DYSF: variants seen among roughly 807,000 people sequenced by gnomAD.
The protein encoded by DYSF is dystrophy-associated fer-1-like 1.
A neutral mutation model predicts 274.9 loss-of-function variants in DYSF; 212 were observed. The ratio of observed to expected loss-of-function variants is 0.77; its 90% CI spans 0.69 to 0.86. DYSF has a LOEUF of 0.86. Ranked by LOEUF, DYSF falls within the 40% of genes least tolerant of loss-of-function variation. The probability of loss-of-function intolerance (pLI) is 0.00; values close to 1 mark genes in which losing one functional copy is unlikely to be tolerated. For missense variants in DYSF, 2,666 were observed against 2,783.2 expected (o/e 0.96, Z 0.95); for synonymous variants, 1,091 against 1,078.7 (o/e 1.01, Z -0.22).
chr2:71,660,907 A>C (rs915278596), intron 45 of DYSF, among the ~76,000 whole-genome samples: 4 of 152,136 alleles, frequency 2.6e-5, no homozygotes, highest in African/African-American at 9.7e-5. Context: ...GCTTGAGCTC[A>C]GGAGTTTGAG....
intron 23 of DYSF, among the ~76,000 whole-genome samples, chr2:71,563,392 C>T: frequency 6.6e-6 from 1 of 152,172 alleles, no homozygotes; most frequent in East Asian, 1.9e-4. Flanking sequence ...CACTTGGGCT[C>T]ACTTTGCTCA....
intron 4 of DYSF, among the ~76,000 whole-genome samples, chr2:71,505,331 G>T (rs115781461): frequency 6.6e-6 from 1 of 152,342 alleles, no homozygotes; most frequent in Admixed American, 6.5e-5. Flanking sequence ...CTCGCTGGCC[G>T]CTCACTGAGA....
chr2:71,663,047 A>ATGTGT (rs1306479068), intron 45 of DYSF, among the ~76,000 whole-genome samples: 11 of 142,840 alleles, frequency 7.7e-5, no homozygotes, highest in South Asian at 2.2e-4. Flanking sequence ...GTGTGCGCGC[A>ATGTGT]CGCGCGTGGT....
chr2:71,527,948 T>C (rs191109725), intron 13 of DYSF, among the ~76,000 whole-genome samples: 42 of 152,306 alleles, frequency 2.8e-4, no homozygotes, highest in African/African-American at 8.9e-4. Context: ...GCACCAATAA[T>C]GGGATATTGT....
chr2:71,658,360 T>C (rs1384700979), intron 43 of DYSF, among the ~76,000 whole-genome samples: 1 of 152,228 alleles, frequency 6.6e-6, no homozygotes, highest in Non-Finnish European at 1.5e-5. Flanking sequence ...TTTTCCACGT[T>C]TTCCCATCTT....
intron 1 of DYSF, among the ~76,000 whole-genome samples, chr2:71,479,252 T>G (rs903428958): frequency 6.6e-6 from 1 of 151,772 alleles, no homozygotes; most frequent in African/African-American, 2.4e-5. Context: ...TTACTGGAAG[T>G]GCCCAGGGCA....
chr2:71,662,478 GTGTA>G (rs575532285), intron 45 of DYSF, among the ~76,000 whole-genome samples: 135 of 150,474 alleles, frequency 9.0e-4, no homozygotes, highest in African/African-American at 2.7e-3. Context: ...GTGCGTGCGT[GTGTA>G]TGTATTTGTG....
intron 3 of DYSF, among the ~76,000 whole-genome samples, chr2:71,501,429 T>C (rs1294217247): frequency 6.6e-6 from 1 of 152,220 alleles, no homozygotes; most frequent in Non-Finnish European, 1.5e-5. Flanking sequence ...TAAATCGACA[T>C]AAACGCTACC....
Position 71,570,749 on chromosome 2 carries a change from A to C in DYSF, c.3228+8A>C, listed in dbSNP as rs749135257. ...ATGGAAGCACTGAAAAGGGTGAGCC[A>C]GCAGGTGGTGGGTGGGAGTGAGGCC... On this transcript the variant is annotated splice_region_variant and intron_variant, in intron 29 of 55. Transcript: ENST00000410020. 4.3e-6 allele frequency: 7 copies of C among 1,613,456 alleles called. No homozygotes were observed. The Admixed American group carries it at 1.0e-4, about 23-fold the overall frequency.
intron 19 of DYSF, among the ~76,000 whole-genome samples, chr2:71,551,952 C>A (rs2090981075): frequency 6.6e-6 from 1 of 152,180 alleles, no homozygotes; most frequent in South Asian, 2.1e-4. Context: ...TGAAAATATT[C>A]AAAAAGTCTA....
intron 3 of DYSF, among the ~76,000 whole-genome samples, chr2:71,489,534 G>C (rs954538846): frequency 3.3e-5 from 5 of 152,250 alleles, no homozygotes; most frequent in Non-Finnish European, 7.3e-5. Flanking sequence ...CGGAGGCAAG[G>C]GTGGCCTGAT....
chr2:71,453,955 C>A (rs199569685), exon 1 of DYSF: 1 of 1,604,742 alleles, frequency 6.2e-7, no homozygotes, highest in Non-Finnish European at 8.5e-7. Flanking sequence ...CCTTTCCGAG[C>A]CCTCTTTGCG....
At position 71,513,731 on chromosome 2, in the gene DYSF, A is replaced by G; in HGVS notation, c.569A>G (p.Glu190Gly). ...CTCCTCTTAGACACAGGAGGAGAGG[A>G]AGACACAGAGGACCAGGGACTCACT... ...WPAPTDTGGE[E>G]DTEDQGLTGD... is the part of the protein sequence containing the mutation. Residue 190 changes from glutamate (E) to glycine (G), a missense_variant, in exon 7 of 56, where the codon GAA becomes GGA. Transcript: ENST00000410020. 6.2e-7 allele frequency: 1 copy of G among 1,613,984 alleles called. No individual in the cohort carries two copies. The highest frequency in any genetic ancestry group is 8.5e-7 in the Non-Finnish European group (1 of 1,179,960).
intron 3 of DYSF, among the ~76,000 whole-genome samples, chr2:71,484,592 A>G (rs1008928899): frequency 1.3e-5 from 2 of 152,180 alleles, no homozygotes; most frequent in Admixed American, 6.5e-5. Context: ...CTATTGTGCT[A>G]GGGAATACTA....
At chr2:71,627,062 A>AT (rs1017623093) in intron 41 of DYSF, among the ~76,000 whole-genome samples, 5 of 150,654 alleles carry the variant, frequency 3.3e-5, no homozygotes, top group Non-Finnish European at 7.4e-5. Flanking sequence ...AATTTATCAG[A>AT]TTTTTTTCAG....
chr2:71,512,612 C>A (rs1292783458), intron 5 of DYSF, among the ~76,000 whole-genome samples: 1 of 152,198 alleles, frequency 6.6e-6, no homozygotes, highest in Non-Finnish European at 1.5e-5. Context: ...GGTGTGGGAG[C>A]CTCCATGTGG....
chr2:71,543,309 C>T (rs9751538), intron 17 of DYSF, among the ~76,000 whole-genome samples: 6,697 of 150,704 alleles, frequency 0.044, 183 homozygotes, highest in Middle Eastern at 0.069. Flanking sequence ...GATGGGCAGC[C>T]GGGCAGAGAC....
chr2:71,484,245 G>T (rs1041891190), intron 3 of DYSF, among the ~76,000 whole-genome samples: 1 of 151,810 alleles, frequency 6.6e-6, no homozygotes, highest in East Asian at 1.9e-4. Flanking sequence ...TAGAGACAGG[G>T]TTCCTCCATG....
chr2:71,665,024 A>G, intron 46 of DYSF, 138 bp from the exon 47 acceptor site: 1 of 1,351,696 alleles, frequency 7.4e-7, no homozygotes, highest in Non-Finnish European at 1.0e-6. Context: ...AGTCATGGTG[A>G]GCAATCAGAT....
Sources: allele counts gnomAD v4.1 joint callset (sites outside exome capture counted in the v4.1 genomes callset), GRCh38; gene constraint gnomAD v4.1.1; transcripts MANE v1.5; gene names NCBI Gene and HGNC (gene_info 2026-07-23, HGNC 2026-07-21).